The following RSPH14 variants were observed in gnomAD, a reference collection of about 807,000 sequenced individuals.
RSPH14 encodes rhabdoid tumor deletion region gene 1.
Under a neutral mutation model 26.7 loss-of-function variants are expected in RSPH14, and 20 were observed. The observed-to-expected ratio is 0.75, with a 90% CI of 0.53 to 1.09. The LOEUF (loss-of-function observed/expected upper bound fraction) is 1.09, where lower values mean the gene tolerates loss of function less well. Ranked by LOEUF, RSPH14 falls within the 50% of genes least tolerant of loss-of-function variation. The pLI is 0.00. For synonymous variants in RSPH14, 177 were observed against 189.3 expected (o/e 0.93, Z 0.53); for missense variants, 449 against 457.2 (o/e 0.98, Z 0.16).
chr22:23,154,317 T>C, the RSPH14 span, among the ~76,000 whole-genome samples: 1 of 152,244 alleles, frequency 6.6e-6, no homozygotes, highest in East Asian at 1.9e-4. Flanking sequence ...CAATCCTCCA[T>C]GCCCTGCCTG....
chr22:23,138,709 TA>T, intron 3 of RSPH14, 130 bp downstream of exon 3: 1 of 732,330 alleles, frequency 1.4e-6, no homozygotes, highest in Non-Finnish European at 2.2e-6. Context: ...CTGCTCTGGC[TA>T]AATAGAAGCC....
At chr22:23,077,456 G>A (rs762438085) in intron 4 of RSPH14, among the ~76,000 whole-genome samples, 5 of 152,208 alleles carry the variant, frequency 3.3e-5, no homozygotes, top group Non-Finnish European at 4.4e-5. Context: ...AAGGCCGGGA[G>A]CCTCCTCTTG....
the RSPH14 span, among the ~76,000 whole-genome samples, chr22:23,179,338 C>T: frequency 5.3e-5 from 8 of 152,152 alleles, no homozygotes; most frequent in Admixed American, 5.2e-4. Context: ...CCTTTTCCCC[C>T]AACCCAGCGG....
At chr22:23,061,257 C>T (rs2096341617) in intron 6 of RSPH14, among the ~76,000 whole-genome samples, 1 of 152,158 alleles carries the variant, frequency 6.6e-6, no homozygotes, top group African/African-American at 2.4e-5. Context: ...TGCCACGCCC[C>T]AGTCTGCCAG....
the RSPH14 span, chr22:23,161,729 A>G: frequency 4.8e-6 from 3 of 625,792 alleles, no homozygotes; most frequent in South Asian, 2.0e-5. Flanking sequence ...TCCAGGGCAC[A>G]GTCACTTGTC....
the RSPH14 span, chr22:23,159,057 G>A: frequency 9.2e-4 from 1,460 of 1,586,678 alleles, 10 homozygotes; most frequent in African/African-American, 0.018. Flanking sequence ...GAGGAGCCAT[G>A]GGGAGGGAGG....
chr22:23,170,421 A>C, the RSPH14 span, among the ~76,000 whole-genome samples: 1 of 152,174 alleles, frequency 6.6e-6, no homozygotes. Context: ...TAGCAAAAAG[A>C]ATTTGAGAGC....
At chr22:23,074,589 G>A (rs942341216) in intron 4 of RSPH14, among the ~76,000 whole-genome samples, 8 of 152,166 alleles carry the variant, frequency 5.3e-5, no homozygotes, top group African/African-American at 1.9e-4. Flanking sequence ...GTGGCAGGCC[G>A]GGGACCACGT....
chr22:23,120,984 C>T (rs2070008772), intron 4 of RSPH14, among the ~76,000 whole-genome samples: 1 of 152,196 alleles, frequency 6.6e-6, no homozygotes, highest in African/African-American at 2.4e-5. Flanking sequence ...AGCTCTGTTA[C>T]CACAGTCCTC....
At chr22:23,156,899 G>A in the RSPH14 span, among the ~76,000 whole-genome samples, 2 of 152,124 alleles carry the variant, frequency 1.3e-5, no homozygotes, top group South Asian at 2.1e-4. Context: ...CCTGGCTGCC[G>A]TCATCCCTTT....
intron 2 of RSPH14, among the ~76,000 whole-genome samples, chr22:23,139,866 GC>G (rs1332928646): frequency 1.3e-5 from 2 of 152,158 alleles, no homozygotes; most frequent in Admixed American, 1.3e-4. Context: ...TTCAAGAACA[GC>G]CTGGGCAACA....
chr22:23,081,926 C>T lies in RSPH14; in HGVS notation c.422-17793G>A, dbSNP rs2068690410. Among the ~76,000 whole-genome samples, 3 of 150,814 alleles carry T rather than the reference C, an allele frequency of 2.0e-5. No individual in the cohort carries two copies. In the South Asian group the frequency reaches 6.3e-4, roughly 32 times the overall value. On this transcript the variant is annotated intron_variant, in intron 4 of 6. Coordinates refer to ENST00000216036, the MANE Select transcript of RSPH14 (RefSeq NM_014433.3). The stretch of plus-strand genomic sequence containing the variant: ...GGATCACGAGGTCAGGAGATCGAGA[C>T]CATCCTGGCTAACACAGTGAAACCT...
Position 23,140,413 on chromosome 22 carries a change from T to A in RSPH14, c.8A>T (p.His3Leu), listed in dbSNP as rs778969531. ...GGGAAGCTCCAAGGAGTTCTGGGAA[T>A]GGGCCATCTTTCCCCAACTACAGAG... Reference protein sequence around the residue: MAHSQNSLELPIN... With the variant: MALSQNSLELPIN... The change falls in exon 2 of 7, where the codon CAT becomes CTT. Residue 3 changes from histidine to leucine, a missense_variant. Transcript: ENST00000216036. The A allele has an allele frequency of 6.2e-7, 1 of 1,614,134 alleles. No individual in the cohort carries two copies. The highest frequency in any genetic ancestry group is 1.1e-5 in the South Asian group (1 of 91,062).
At chr22:23,135,941 G>A (rs1301738594) in intron 3 of RSPH14, 1 of 153,124 alleles carries the variant, frequency 6.5e-6, no homozygotes, top group South Asian at 2.1e-4. Context: ...CACAGGAAGT[G>A]CCCAACCAGC....
chr22:23,121,135 G>A (rs1409073451), intron 4 of RSPH14, among the ~76,000 whole-genome samples: 6 of 152,174 alleles, frequency 3.9e-5, no homozygotes, highest in Non-Finnish European at 1.5e-5. Flanking sequence ...TGCTCTGCTG[G>A]GGATGAGATC....
At chr22:23,140,143 C>G (rs1277130079) in intron 2 of RSPH14, 79 bp downstream of exon 2, 62 of 1,566,888 alleles carry the variant, frequency 4.0e-5, no homozygotes, top group Non-Finnish European at 4.8e-5. Context: ...AATAGCAACC[C>G]TTATTACTGA....
chr22:23,131,898 G>A (rs13055979), intron 4 of RSPH14, among the ~76,000 whole-genome samples: 33,851 of 152,080 alleles, frequency 0.22, 4,287 homozygotes, highest in Middle Eastern at 0.34. Context: ...CACAGGCCTA[G>A]TGTGCTCAAC....
intron 4 of RSPH14, among the ~76,000 whole-genome samples, chr22:23,129,635 G>T (rs1326926391): frequency 2.0e-5 from 3 of 152,046 alleles, no homozygotes; most frequent in Non-Finnish European, 4.4e-5. Flanking sequence ...ATGAAAAACT[G>T]CTAAGGCTGG....
intron 4 of RSPH14, chr22:23,123,561 C>T (rs5751585): frequency 6.4e-6 from 4 of 623,750 alleles, no homozygotes; most frequent in Non-Finnish European, 1.1e-5. Flanking sequence ...CCCTTGGCCT[C>T]TGCCTCCTTG....
Sources: gnomAD v4.1 joint callset for allele counts (sites outside exome capture counted in the v4.1 genomes callset) on GRCh38, gnomAD v4.1.1 for gene constraint, MANE v1.5 for transcripts, NCBI Gene and HGNC (gene_info 2026-07-23, HGNC 2026-07-21) for gene names.